KIF7: variants seen among roughly 807,000 people sequenced by gnomAD.
KIF7 encodes the protein kinesin-like protein KIF7.
KIF7 carries 104 observed loss-of-function variants against 135.7 expected under a neutral mutation model. The ratio of observed to expected loss-of-function variants is 0.77; its 90% CI spans 0.65 to 0.90. The LOEUF (loss-of-function observed/expected upper bound fraction) is 0.90, where lower values mean the gene tolerates loss of function less well. Among genes scored for constraint, KIF7 ranks in the 40% least tolerant of loss-of-function variants. The probability of loss-of-function intolerance (pLI) is 0.00; values close to 1 mark genes in which losing one functional copy is unlikely to be tolerated. For missense variants in KIF7, 2,005 were observed against 1,839.1 expected (o/e 1.09, Z -1.65); for synonymous variants, 883 against 809.4 (o/e 1.09, Z -1.54).
rs935084157 is a variant in KIF7 at position 89,631,727 on chromosome 15, C to T, written c.2896-17G>A. On this transcript the variant is annotated splice_polypyrimidine_tract_variant and intron_variant, in intron 14 of 18. Transcript: ENST00000394412. The stretch of plus-strand genomic sequence containing the variant: ...GTTGAGGGCCTGGGGGCAGAATCAC[C>T]AGGGATTAGAGAAGGAACAGGCACT... 5.2e-6 allele frequency: 8 copies of T among 1,544,582 alleles called. No homozygotes were observed. In the East Asian group the frequency reaches 1.2e-4, roughly 24 times the overall value.
At chr15:89,633,043 G>C (rs749705671) in intron 13 of KIF7, 47 bp from the exon 14 acceptor site, 1 of 1,464,160 alleles carries the variant, frequency 6.8e-7, no homozygotes, top group South Asian at 1.2e-5. Flanking sequence ...GCCCACCTCT[G>C]GCTGTGTCAG....
rs754694050 is a variant in KIF7, at chr15:89,633,917, C to G, written c.2395-34G>C. On this transcript the variant is annotated intron_variant, in intron 11 of 18. Coordinates refer to ENST00000394412, the MANE Select transcript of KIF7 (RefSeq NM_198525.3). ...CACACAGTCTTCACTGGGCCATGCACGGGGCTACCGCGAGCCTGCCATAGT... is the reference window on the plus strand; with the variant it reads ...CACACAGTCTTCACTGGGCCATGCAGGGGGCTACCGCGAGCCTGCCATAGT... 3 of 1,611,114 alleles carry G rather than the reference C, an allele frequency of 1.9e-6. No homozygotes were observed. In the South Asian group the frequency reaches 3.3e-5, roughly 18 times the overall value.
the KIF7 span, among the ~76,000 whole-genome samples, chr15:89,662,194 C>G: frequency 6.6e-6 from 1 of 152,056 alleles, no homozygotes; most frequent in African/African-American, 2.4e-5. Flanking sequence ...ATATTAAGAT[C>G]CTAGATAATT....
At position 89,648,545 on chromosome 15, in the gene KIF7, T is replaced by G; in HGVS notation, c.1153A>C (p.Ile385Leu). ...CCTGGGGCGCGCCGGCCGCGGTGGA[T>G]GATGCGGGTCTCGGAGCGGTGCCGT... Reference protein sequence around the residue: ...PPRHRSETRIIHRGRRAPGPA... With the variant: ...PPRHRSETRILHRGRRAPGPA... The change falls in exon 5 of 19, where the codon ATC becomes CTC. Residue 385 changes from isoleucine (I) to leucine (L), a missense_variant. Physicochemically the swap from Ile to Leu is conservative, Grantham distance 5. Transcript: ENST00000394412. The G allele has an allele frequency of 7.6e-7, 1 of 1,320,842 alleles. No individual in the cohort carries two copies. The highest frequency in any genetic ancestry group is 9.7e-7 in the Non-Finnish European group (1 of 1,032,062). 81.8% of individuals were successfully genotyped at this position (1,320,842 alleles called of 1,614,324 possible).
chr15:89,629,852 C>T (rs984106239), intron 16 of KIF7: 11 of 560,448 alleles, frequency 2.0e-5, no homozygotes, highest in Non-Finnish European at 3.5e-5. Flanking sequence ...TGTGGGATTT[C>T]ATCTAGACCA....
At chr15:89,619,969 T>C (rs1389766560) in intron 1 of KIF7, 11 of 1,193,540 alleles carry the variant, frequency 9.2e-6, no homozygotes, top group South Asian at 3.2e-5. Context: ...GTATGTCTAG[T>C]TGAGGTTCAG....
At chr15:89,654,079 C>T (rs76694846) in intron 1 of KIF7, among the ~76,000 whole-genome samples, 1 of 152,084 alleles carries the variant, frequency 6.6e-6, no homozygotes, top group African/African-American at 2.4e-5. Flanking sequence ...GCCCGATCTC[C>T]GCTCACTGCA....
At chr15:89,624,558 C>T (rs1032890515), downstream of KIF7, 1 of 1,613,628 alleles carries the variant, frequency 6.2e-7, no homozygotes, top group African/African-American at 1.3e-5. Flanking sequence ...GCCCAGCTGC[C>T]CCCACAGACT....
intron 16 of KIF7, chr15:89,630,061 C>T (rs1189484076): frequency 2.2e-5 from 13 of 597,068 alleles, no homozygotes; most frequent in Non-Finnish European, 3.0e-6. Context: ...CATGGACCAC[C>T]CTGAGGTTAG....
intron 10 of KIF7, among the ~76,000 whole-genome samples, chr15:89,643,615 G>C (rs1324455130): frequency 6.6e-6 from 1 of 152,166 alleles, no homozygotes; most frequent in Non-Finnish European, 1.5e-5. Flanking sequence ...TGCCGGGTGC[G>C]GTGGCTCACG....
At chr15:89,638,509 CAGAG>C (rs1360470356) in intron 11 of KIF7, among the ~76,000 whole-genome samples, 5 of 152,002 alleles carry the variant, frequency 3.3e-5, no homozygotes, top group Admixed American at 1.3e-4. Flanking sequence ...CAACAACAAA[CAGAG>C]AGCCAAATCA....
At chr15:89,638,914 C>A (rs1393459574) in intron 11 of KIF7, among the ~76,000 whole-genome samples, 27 of 149,776 alleles carry the variant, frequency 1.8e-4, no homozygotes, top group Admixed American at 4.0e-4. Context: ...GCTACAGTAA[C>A]CAAAACAGCA....
chr15:89,633,707 GCTCATTTCTGC>G lies in KIF7; in HGVS notation c.2560_2570del (p.Ala854GlnfsTer14), dbSNP rs762662896. Reference sequence around the variant, plus strand: ...TGACCTTGACGCGGTGCTGCCGCTTGCTCATTTCTGCCTCCAGGCGCCGCTTCTGCTCCGTC... The same window carrying G: ...TGACCTTGACGCGGTGCTGCCGCTTGCTCCAGGCGCCGCTTCTGCTCCGTC... On this transcript the variant is annotated frameshift_variant, in exon 12 of 19. Transcript: ENST00000394412. LOFTEE classifies it high-confidence loss of function. 1.3e-4 allele frequency: 214 copies of G among 1,608,098 alleles called. No homozygotes were observed. The highest frequency in any genetic ancestry group is 1.8e-4 in the Non-Finnish European group (210 of 1,179,870).
downstream of KIF7, chr15:89,624,399 A>G: frequency 6.2e-7 from 1 of 1,613,856 alleles, no homozygotes; most frequent in Non-Finnish European, 8.5e-7. Context: ...CTCCCCCTGA[A>G]CTCTCACAGA....
At chr15:89,649,391 C>T in intron 3 of KIF7, 24 bp from the exon 4 acceptor site, 2 of 1,447,236 alleles carry the variant, frequency 1.4e-6, no homozygotes, top group East Asian at 2.5e-5. Context: ...AGGCCGTGAG[C>T]CCCAGGGCAG....
chr15:89,617,681 C>T (rs2141977658), intron 2 of KIF7, among the ~76,000 whole-genome samples: 1 of 148,418 alleles, frequency 6.7e-6, no homozygotes, highest in East Asian at 2.0e-4. Flanking sequence ...GCCACTGCAC[C>T]CAGCTATCTT....
In KIF7 at chr15:89,646,997, C is replaced by A; in HGVS notation, c.1621G>T (p.Val541Leu). The stretch of plus-strand genomic sequence containing the variant: ...CGCGGGCCCCCCCAGCCTGGCCGCA[C>A]CAGCTCTAACCGCAGCCGCAGTTCC... ...MVELRLRLEL[V>L]RPGWGGPRLL... The change falls in exon 7 of 19, where the codon GTG (valine) becomes TTG (leucine). Residue 541 changes from valine to leucine, a missense_variant. Physicochemically the swap from Val to Leu is conservative, Grantham distance 32. Coordinates refer to ENST00000394412, the MANE Select transcript of KIF7 (RefSeq NM_198525.3). 1.9e-6 allele frequency: 3 copies of A among 1,612,666 alleles called. No individual in the cohort carries two copies. The highest frequency in any genetic ancestry group is 2.5e-6 in the Non-Finnish European group (3 of 1,179,572).
chr15:89,629,475 C>T lies in KIF7; in HGVS notation c.3417G>A (p.Glu1139=), dbSNP rs201728099. 4 of 1,611,038 alleles carry T rather than the reference C, an allele frequency of 2.5e-6. No individual in the cohort carries two copies. The highest frequency in any genetic ancestry group is 3.4e-6 in the Non-Finnish European group (4 of 1,179,992). Residue 1139 remains glutamate, a synonymous_variant, in exon 17 of 19, where the codon GAG becomes GAA. Coordinates refer to ENST00000394412, the MANE Select transcript of KIF7 (RefSeq NM_198525.3). The part of the protein sequence containing the change: ...EEQQRLVYWL[E]VALERQRLEM... ...CCAGGCGCTGCCGCTCCAGGGCCAC[C>T]TCCAGCCAGTACACCAGCCTCTGCT...
chr15:89,654,866 C>T (rs1943205885), intron 1 of KIF7, among the ~76,000 whole-genome samples: 1 of 152,274 alleles, frequency 6.6e-6, no homozygotes, highest in African/African-American at 2.4e-5. Context: ...CCCTATTGGG[C>T]TCCCGACCCT....
Sources: allele counts gnomAD v4.1 joint callset (sites outside exome capture counted in the v4.1 genomes callset), GRCh38; gene constraint gnomAD v4.1.1; transcripts MANE v1.5; gene names NCBI Gene and HGNC (gene_info 2026-07-23, HGNC 2026-07-21).